The following ANKAR variants were observed in gnomAD, a reference collection of about 807,000 sequenced individuals.
ANKAR encodes the protein ankyrin and armadillo repeat containing, also known as ankyrin and armadillo repeat-containing protein.
In ANKAR, 136 loss-of-function variants were observed where a neutral mutation model predicts 146.2. The ratio of observed to expected loss-of-function variants is 0.93; its 90% confidence interval spans 0.81 to 1.07. The LOEUF (loss-of-function observed/expected upper bound fraction) is 1.07, where lower values mean the gene tolerates loss of function less well. Ranked by LOEUF, ANKAR falls within the 50% of genes least tolerant of loss-of-function variation. The pLI, the probability that ANKAR is intolerant of heterozygous loss-of-function variation, is 0.00. For synonymous variants in ANKAR, 500 were observed against 575.8 expected, an observed-to-expected ratio of 0.87 and a Z score of 1.88; for missense variants, 1,567 against 1,679.9, an observed-to-expected ratio of 0.93 and a Z score of 1.18.
chr2:189,738,508 A>G, intron 18 of ANKAR, 57 bp from the exon 19 acceptor site: 2 of 1,053,194 alleles, frequency 1.9e-6, no homozygotes, highest in Non-Finnish European at 2.8e-6. Context: ...CAAACGTGTA[A>G]TTAGAGAAGC....
At position 189,745,872 on chromosome 2, in the gene ANKAR, A is replaced by T. The variant is rs191048011; in HGVS notation, c.4058-508A>T. Among the ~76,000 whole-genome samples, 85 of 152,334 alleles carry T rather than the reference A, an allele frequency of 5.6e-4. 1 individual carries two copies. Among genetic ancestry groups the T allele is most frequent in the African/African-American group, 2.0e-3 (83 of 41,580 alleles). ...TATAGAATATCATGGGTAGAAAAGC[A>T]TCCATTTTTTATATAGCTTCTTGAA... On this transcript the variant is annotated intron_variant, in intron 22 of 22. Transcript: ENST00000684021.
chr2:189,738,511 A>C, intron 18 of ANKAR, 54 bp from the exon 19 acceptor site: 1 of 1,069,430 alleles, frequency 9.4e-7, no homozygotes, highest in East Asian at 2.4e-5. Flanking sequence ...ACGTGTAATT[A>C]GAGAAGCTGA....
downstream of ANKAR, chr2:189,761,486 G>A (rs2047060452): frequency 6.2e-7 from 1 of 1,612,822 alleles, no homozygotes; most frequent in East Asian, 2.2e-5. Context: ...ATCCACCACA[G>A]CAGCTGCTGT....
At chr2:189,745,033 A>ATAC (rs2043931857) in intron 22 of ANKAR, among the ~76,000 whole-genome samples, 1 of 10,168 alleles carries the variant, frequency 9.8e-5, no homozygotes, top group African/African-American at 3.8e-4. Flanking sequence ...ACTACTAATA[A>ATAC]TACAAAAATT....
At chr2:189,687,228 T>C (rs1015211283) in intron 2 of ANKAR, among the ~76,000 whole-genome samples, 2 of 152,310 alleles carry the variant, frequency 1.3e-5, no homozygotes, top group South Asian at 4.1e-4. Flanking sequence ...GCAAAGTTTG[T>C]CTTTCTGTGC....
Position 189,720,739 on chromosome 2 carries a change from G to T in ANKAR, c.2587G>T (p.Glu863Ter). The change falls in exon 12 of 23, where the codon GAA (glutamate) becomes TAA (stop). Residue 863 changes from glutamate to a stop codon, truncating the protein, a stop_gained. Transcript: ENST00000684021. LOFTEE classifies it high-confidence loss of function. Reference protein sequence around the residue: ...GNENNQRAVREHKGLPYLIRF... With the variant: ...GNENNQRAVR ...TGAAAACAATCAAAGAGCTGTGAGA[G>T]AACATAAAGGCCTCCCATATCTTAT... The T allele has an allele frequency of 6.6e-7, 1 of 1,518,774 alleles. No individual in the cohort carries two copies. Among genetic ancestry groups the T allele is most frequent in the Admixed American group, 2.3e-5 (1 of 44,004 alleles). 94.1% of individuals were successfully genotyped at this position (1,518,774 alleles called of 1,614,324 possible). A position where few individuals can be genotyped will look rare whatever the true frequency, so the allele number is the denominator to read the frequency against.
At chr2:189,675,476 G>A (rs1488385777) in intron 1 of ANKAR, among the ~76,000 whole-genome samples, 1 of 151,942 alleles carries the variant, frequency 6.6e-6, no homozygotes, top group African/African-American at 2.4e-5. Flanking sequence ...AGCCCCGCGA[G>A]TAGCTGAGAT....
At chr2:189,720,500 C>T in intron 11 of ANKAR, 119 bp from the exon 12 acceptor site, 1 of 518,262 alleles carries the variant, frequency 1.9e-6, no homozygotes, top group African/African-American at 2.0e-5. Flanking sequence ...CCTGCCTCGG[C>T]CTCCCAAAGT....
At chr2:189,682,287 G>A (rs973212095) in intron 2 of ANKAR, among the ~76,000 whole-genome samples, 2 of 151,922 alleles carry the variant, frequency 1.3e-5, no homozygotes, top group Admixed American at 6.6e-5. Flanking sequence ...GAAACATAGT[G>A]AGACCCCCAT....
In ANKAR at chr2:189,733,171, A is replaced by G. The variant is rs1484967353; in HGVS notation, c.3365A>G (p.His1122Arg). 1.2e-6 allele frequency: 2 copies of G among 1,612,720 alleles called. No homozygotes were observed. The highest frequency in any genetic ancestry group is 1.7e-6 in the Non-Finnish European group (2 of 1,179,178). The stretch of plus-strand genomic sequence containing the variant: ...AATGATGTGTTACAGAAAGACTTAC[A>G]TGAAAATGAAGGATTTGAATATGCT... ...LGNDVLQKDLHENEGFEYADV... is the reference protein window; with the variant it reads ...LGNDVLQKDLRENEGFEYADV... Residue 1122 changes from histidine to arginine, a missense_variant, in exon 17 of 23, where the codon CAT (histidine) becomes CGT (arginine). Physicochemically the swap from His to Arg is conservative, Grantham distance 29. Coordinates refer to ENST00000684021, the MANE Select transcript of ANKAR (RefSeq NM_001378068.1).
downstream of ANKAR, among the ~76,000 whole-genome samples, chr2:189,748,111 T>C (rs138842451): frequency 1.6e-3 from 246 of 152,346 alleles, 2 homozygotes; most frequent in African/African-American, 5.6e-3. Flanking sequence ...TATATATTAA[T>C]TAGCGGTTAT....
chr2:189,697,312 T>C (rs1239639516), intron 7 of ANKAR, among the ~76,000 whole-genome samples: 1 of 151,964 alleles, frequency 6.6e-6, no homozygotes, highest in African/African-American at 2.4e-5. Context: ...AGCAGGAAGA[T>C]TGCTTGAGCC....
intron 8 of ANKAR, among the ~76,000 whole-genome samples, chr2:189,706,297 G>C (rs2038936170): frequency 6.6e-6 from 1 of 151,962 alleles, no homozygotes; most frequent in African/African-American, 2.4e-5. Flanking sequence ...TGAGGCATGA[G>C]AATCACTTGA....
chr2:189,714,500 C>T (rs1331700057), intron 10 of ANKAR, among the ~76,000 whole-genome samples: 1 of 152,172 alleles, frequency 6.6e-6, no homozygotes, highest in Admixed American at 6.5e-5. Flanking sequence ...ACAACCTGCT[C>T]CTGAATGACT....
chr2:189,758,357 G>A (rs898582435), intron 18 of ANKAR, among the ~76,000 whole-genome samples: 2 of 151,938 alleles, frequency 1.3e-5, no homozygotes, highest in African/African-American at 4.8e-5. Context: ...CTCTGGTCTG[G>A]GCAACAAGAG....
chr2:189,723,118 A>G (rs1233042954), intron 12 of ANKAR, among the ~76,000 whole-genome samples: 1 of 152,160 alleles, frequency 6.6e-6, no homozygotes, highest in Non-Finnish European at 1.5e-5. Context: ...ACAAAGGCAT[A>G]TTATTAATTC....
chr2:189,759,594 T>C (rs1379528264), intron 18 of ANKAR, among the ~76,000 whole-genome samples: 1 of 152,168 alleles, frequency 6.6e-6, no homozygotes, highest in Non-Finnish European at 1.5e-5. Flanking sequence ...AGAGAGGATA[T>C]GGAACTTGCC....
At chr2:189,747,643 A>G (rs150358179), downstream of ANKAR, among the ~76,000 whole-genome samples, 202 of 152,278 alleles carry the variant, frequency 1.3e-3, 1 homozygote, top group African/African-American at 4.7e-3. Flanking sequence ...CTGCAGATAG[A>G]TATGATACAA....
chr2:189,685,470 G>A (rs905636587), intron 2 of ANKAR, among the ~76,000 whole-genome samples: 4 of 151,972 alleles, frequency 2.6e-5, no homozygotes, highest in Non-Finnish European at 4.4e-5. Flanking sequence ...TCTTCCTTTT[G>A]TCAGAACTCA....
Sources: allele counts gnomAD v4.1 joint callset (sites outside exome capture counted in the v4.1 genomes callset), GRCh38; gene constraint gnomAD v4.1.1; transcripts MANE v1.5; gene names NCBI Gene and HGNC (gene_info 2026-07-23, HGNC 2026-07-21).